GK5: variants seen among roughly 807,000 people sequenced by gnomAD.
The protein encoded by GK5 is ATP:glycerol 3-phosphotransferase 5.
Under a neutral mutation model 77.3 loss-of-function variants are expected in GK5, and 39 were observed. The observed-to-expected ratio is 0.50, with a 90% CI of 0.39 to 0.66. GK5 has a LOEUF of 0.66. Ranked by LOEUF, GK5 falls within the 30% of genes least tolerant of loss-of-function variation. The probability of loss-of-function intolerance (pLI) is 0.00; values close to 1 mark genes in which losing one functional copy is unlikely to be tolerated. For missense variants in GK5, 487 were observed against 633.8 expected, an observed-to-expected ratio of 0.77 and a Z score of 2.49; for synonymous variants, 211 against 208.0, an observed-to-expected ratio of 1.01 and a Z score of -0.13.
At chr3:142,171,547 C>A in intron 13 of GK5, 69 bp from the exon 14 acceptor site, 1 of 1,023,880 alleles carries the variant, frequency 9.8e-7, no homozygotes, top group Non-Finnish European at 1.3e-6. Context: ...TTATTCTGAT[C>A]TTGAAAAATA....
At chr3:142,182,502 G>GCC (rs2107774538) in intron 10 of GK5, among the ~76,000 whole-genome samples, 1 of 152,016 alleles carries the variant, frequency 6.6e-6, no homozygotes, top group South Asian at 2.1e-4. Context: ...CGGACACCAT[G>GCC]CCCCCAGCTA....
chr3:142,207,819 G>A (rs1037616155), intron 3 of GK5, among the ~76,000 whole-genome samples: 34 of 152,198 alleles, frequency 2.2e-4, no homozygotes, highest in African/African-American at 3.4e-4. Flanking sequence ...GTTGTATTGC[G>A]GGCTGCTGGC....
intron 10 of GK5, 42 bp from the exon 11 acceptor site, chr3:142,181,607 A>T (rs1458319422): frequency 7.7e-7 from 1 of 1,304,844 alleles, no homozygotes; most frequent in African/African-American, 1.5e-5. Flanking sequence ...ATATATGCAT[A>T]ATTCATTATA....
At chr3:142,174,347 C>G (rs1358999348) in intron 12 of GK5, among the ~76,000 whole-genome samples, 1 of 152,160 alleles carries the variant, frequency 6.6e-6, no homozygotes, top group Non-Finnish European at 1.5e-5. Flanking sequence ...TTAACACCTT[C>G]TGGTGATTTT....
chr3:142,177,356 C>G (rs189613190), intron 12 of GK5, 126 bp downstream of exon 12: 2 of 623,856 alleles, frequency 3.2e-6, no homozygotes, highest in Non-Finnish European at 5.8e-6. Context: ...GCCCTAAAAT[C>G]TACCTTTCAT....
At chr3:142,183,134 C>CA (rs2063719992) in intron 9 of GK5, 85 bp from the exon 10 acceptor site, 1 of 1,138,404 alleles carries the variant, frequency 8.8e-7, no homozygotes, top group Admixed American at 2.3e-5. Context: ...ATTGTACTCT[C>CA]ATGATTAAAC....
At position 142,181,509 on chromosome 3, in the gene GK5, T is replaced by C; in HGVS notation, c.1000A>G (p.Ser334Gly). The C allele has an allele frequency of 6.2e-7, 1 of 1,613,760 alleles. No individual in the cohort carries two copies. Among genetic ancestry groups the C allele is most frequent in the Non-Finnish European group, 8.5e-7 (1 of 1,179,846 alleles). ...GCAGTACCAGTGTCTCCTGCATTGC[T>C]TTCAGCTAAGCATACGACTTCTTGC... ...IGQEVVCLAE[S>G]NAGDTGTAIK... The change falls in exon 11 of 16, where the codon AGC (serine) becomes GGC (glycine). Residue 334 changes from serine to glycine, a missense_variant. Coordinates refer to ENST00000392993, the MANE Select transcript of GK5 (RefSeq NM_001039547.3).
At chr3:142,171,546 T>A in intron 13 of GK5, 68 bp from the exon 14 acceptor site, 1 of 1,039,930 alleles carries the variant, frequency 9.6e-7, no homozygotes, top group Non-Finnish European at 1.3e-6. Context: ...TTTATTCTGA[T>A]CTTGAAAAAT....
intron 9 of GK5, chr3:142,185,148 C>T (rs1010632349): frequency 3.1e-6 from 3 of 980,540 alleles, no homozygotes; most frequent in African/African-American, 3.5e-5. Flanking sequence ...CACAGTGACT[C>T]ATGCCTGTAG....
chr3:142,211,712 T>C (rs1163154987), intron 3 of GK5, among the ~76,000 whole-genome samples: 1 of 152,192 alleles, frequency 6.6e-6, no homozygotes, highest in Non-Finnish European at 1.5e-5. Flanking sequence ...GAGGATCCCT[T>C]GAGCCCACGA....
At chr3:142,221,048 A>G (rs1433323331) in intron 1 of GK5, among the ~76,000 whole-genome samples, 1 of 152,222 alleles carries the variant, frequency 6.6e-6, no homozygotes, top group African/African-American at 2.4e-5. Context: ...TACCAAAAAA[A>G]TGCAGATAAC....
In GK5 at chr3:142,204,380, T is replaced by C. The variant is rs74677833; in HGVS notation, c.411+315A>G. On this transcript the variant is annotated intron_variant, in intron 4 of 15. Transcript: ENST00000392993. ...TATCTCAATATCCATCCTGAGCTTTTATAAAAGATGAAATTTGGGCATTTC... is the reference window on the plus strand; with the variant it reads ...TATCTCAATATCCATCCTGAGCTTTCATAAAAGATGAAATTTGGGCATTTC... 1,321 of 369,648 alleles carry C rather than the reference T, an allele frequency of 3.6e-3. 14 individuals carry two copies. Among genetic ancestry groups the C allele is most frequent in the African/African-American group, 0.026 (1,233 of 47,712 alleles). The allele number at this position is 369,648 out of a possible 1,614,324, so 22.9% of individuals were successfully genotyped here. A position where few individuals can be genotyped will look rare whatever the true frequency, so the allele number is the denominator to read the frequency against.
intron 9 of GK5, chr3:142,185,080 T>A: frequency 1.0e-6 from 1 of 985,384 alleles, no homozygotes; most frequent in Non-Finnish European, 1.2e-6. Flanking sequence ...CTGCTTAAGC[T>A]GCCACAGGAA....
chr3:142,173,215 A>C (rs1269631480), intron 12 of GK5: 4 of 436,874 alleles, frequency 9.2e-6, no homozygotes, highest in Admixed American at 7.9e-5. Flanking sequence ...AAAAAAAAAA[A>C]CACCACTACA....
In GK5 at chr3:142,170,205, G is replaced by A. The variant is rs769160133; in HGVS notation, c.1441+120C>T. The A allele has an allele frequency of 1.6e-5, 16 of 978,942 alleles. 1 individual carries two copies. The South Asian group carries it at 2.1e-4, about 13-fold the overall frequency. The allele number at this position is 978,942 out of a possible 1,614,324, so 60.6% of individuals were successfully genotyped here. ...TGTGAGTAATATGCATATGTGTATG[G>A]AGTTTAATGGACGCCAAGGCTTTCC... On this transcript the variant is annotated intron_variant, in intron 15 of 15. Coordinates refer to ENST00000392993, the MANE Select transcript of GK5 (RefSeq NM_001039547.3).
rs562583051 is a variant in GK5, at chr3:142,202,470, T to C, written c.411+2225A>G. ...ACCATTAGCAACTGGAAAGGGATGA[T>C]TGCAAAGTGGGGCTCCTTCACTGCC... On this transcript the variant is annotated intron_variant, in intron 4 of 15. Coordinates refer to ENST00000392993, the MANE Select transcript of GK5 (RefSeq NM_001039547.3). 5.9e-5 allele frequency among the ~76,000 whole-genome samples: 9 copies of C among 152,314 alleles called. No homozygotes were observed. The South Asian group carries it at 6.2e-4, about 11-fold the overall frequency.
intron 1 of GK5, among the ~76,000 whole-genome samples, chr3:142,220,492 G>A (rs547904022): frequency 4.7e-4 from 72 of 152,254 alleles, no homozygotes; most frequent in African/African-American, 1.6e-3. Context: ...TAGGACAGAG[G>A]AGGAAATGCC....
rs1295268520 is a variant in GK5, at chr3:142,187,594, G to A, written c.619+110C>T. The A allele has an allele frequency of 6.8e-6, 5 of 732,498 alleles. No homozygotes were observed. In the African/African-American group the frequency reaches 7.4e-5, roughly 11 times the overall value. The allele number at this position is 732,498 out of a possible 1,614,324, so 45.4% of individuals were successfully genotyped here. On this transcript the variant is annotated intron_variant, in intron 6 of 15. Coordinates refer to ENST00000392993, the MANE Select transcript of GK5 (RefSeq NM_001039547.3). ...CACTCCCGCCTGGTTGACAGAGCGAGACCCTAGCTCAAAAAAAAAAAAAAA... is the reference window on the plus strand; with the variant it reads ...CACTCCCGCCTGGTTGACAGAGCGAAACCCTAGCTCAAAAAAAAAAAAAAA...
chr3:142,173,288 T>C (rs931016467), intron 12 of GK5: 1 of 367,426 alleles, frequency 2.7e-6, no homozygotes, highest in Non-Finnish European at 5.4e-6. Context: ...CCTAACATGT[T>C]CTCAAAAGAG....
Sources: allele counts gnomAD v4.1 joint callset (sites outside exome capture counted in the v4.1 genomes callset), GRCh38; gene constraint gnomAD v4.1.1; transcripts MANE v1.5; gene names NCBI Gene and HGNC (gene_info 2026-07-23, HGNC 2026-07-21).